The following ADAM7 variants were observed in gnomAD, a reference collection of about 807,000 sequenced individuals.
ADAM7 encodes ADAM metallopeptidase domain 7.
In ADAM7, 97 loss-of-function variants were observed where a neutral mutation model predicts 102.9. The observed-to-expected ratio is 0.94, with a 90% CI of 0.80 to 1.12. The LOEUF is 1.12. Ranked by LOEUF, ADAM7 falls within the 50% of genes most tolerant of loss-of-function variation. The pLI is 0.00. For synonymous variants in ADAM7, 334 were observed against 304.4 expected (o/e 1.10, Z -1.01); for missense variants, 991 against 908.7 (o/e 1.09, Z -1.16).
At position 24,442,558 on chromosome 8, in the gene ADAM7, C is replaced by G; in HGVS notation, c.138C>G (p.Thr46=). 1 of 1,613,672 alleles carries G rather than the reference C, an allele frequency of 6.2e-7. No individual in the cohort carries two copies. Among genetic ancestry groups the G allele is most frequent in the South Asian group, 1.1e-5 (1 of 91,058 alleles). ...PLIQKRDTGH[T]HDDDILKTYE... is the part of the protein sequence containing the mutation. The stretch of plus-strand genomic sequence containing the variant: ...TACAGAAGCGAGATACTGGACACAC[C>G]CATGATGATGACATACTGGTACAAG... Residue 46 remains threonine (T), a synonymous_variant, in exon 2 of 22, where the codon ACC becomes ACG. Coordinates refer to ENST00000175238, the MANE Select transcript of ADAM7 (RefSeq NM_003817.4).
At chr8:24,451,313 T>C (rs1373843654) in intron 3 of ADAM7, among the ~76,000 whole-genome samples, 1 of 152,196 alleles carries the variant, frequency 6.6e-6, no homozygotes, top group African/African-American at 2.4e-5. Context: ...TATTGATTAT[T>C]GCCACAATTT....
rs117774560 is a variant in ADAM7, at chr8:24,506,178, C to G, written c.2209-1302C>G. On this transcript the variant is annotated intron_variant, in intron 20 of 21. Coordinates refer to ENST00000175238, the MANE Select transcript of ADAM7 (RefSeq NM_003817.4). ...ACTGGTACGTTCCCCTCCCCTTCCT[C>G]TTGGTGGTGGGCTATGTCCTTTCCA... is the stretch of plus-strand genomic sequence containing the variant. 5.1e-3 allele frequency: 7,721 copies of G among 1,524,828 alleles called. 38 individuals are homozygous for G. Among genetic ancestry groups the G allele is most frequent in the Non-Finnish European group, 5.8e-3 (6,512 of 1,126,094 alleles). The allele number at this position is 1,524,828 out of a possible 1,614,324, so 94.5% of individuals were successfully genotyped here.
At chr8:24,496,463 C>T (rs1360142831) in intron 16 of ADAM7, among the ~76,000 whole-genome samples, 1 of 152,144 alleles carries the variant, frequency 6.6e-6, no homozygotes, top group Non-Finnish European at 1.5e-5. Context: ...TAGATCCACC[C>T]ACAGCTTGCA....
In ADAM7 at chr8:24,468,629, A is replaced by G. The variant is rs2129383190; in HGVS notation, c.580-138A>G. 5 of 688,088 alleles carry G rather than the reference A, an allele frequency of 7.3e-6. 1 individual carries two copies. The highest frequency in any genetic ancestry group is 7.2e-5 in the South Asian group (4 of 55,218). The allele number at this position is 688,088 out of a possible 1,614,324, so 42.6% of individuals were successfully genotyped here. The stretch of plus-strand genomic sequence containing the variant: ...ATTTAGATAAATTCGTACAATTTTT[A>G]TATATTCATATGCCTCCCCATTTTG... On this transcript the variant is annotated intron_variant, in intron 6 of 21. Transcript: ENST00000175238.
Position 24,466,846 on chromosome 8 carries a change from A to G in ADAM7, c.437A>G (p.Lys146Arg). 2 of 1,614,054 alleles carry G rather than the reference A, an allele frequency of 1.2e-6. No individual in the cohort carries two copies. Among genetic ancestry groups the G allele is most frequent in the Admixed American group, 1.7e-5 (1 of 60,020 alleles). Residue 146 changes from lysine (K) to arginine (R), a missense_variant, in exon 6 of 22, where the codon AAA becomes AGA. Lys to Arg is a conservative substitution (Grantham distance 26). Coordinates refer to ENST00000175238, the MANE Select transcript of ADAM7 (RefSeq NM_003817.4). ...CAAAGATACCTCATTGAACCAGTGA[A>G]ATACTCAGATGAGGGAGAACATTTG... ...NDQRYLIEPV[K>R]YSDEGEHLVF...
In ADAM7 at chr8:24,485,583, C is replaced by T. The variant is rs558226401; in HGVS notation, c.960+222C>T. 1.3e-4 allele frequency among the ~76,000 whole-genome samples: 20 copies of T among 152,124 alleles called. No individual in the cohort carries two copies. The South Asian group carries it at 1.9e-3, about 14-fold the overall frequency. On this transcript the variant is annotated intron_variant, in intron 10 of 21. Coordinates refer to ENST00000175238, the MANE Select transcript of ADAM7 (RefSeq NM_003817.4). ...AAACCCATTTTGTTTAGAGTTTAAA[C>T]GGATAGTATACCACAGATCAGCATG...
intron 4 of ADAM7, among the ~76,000 whole-genome samples, chr8:24,464,654 G>A (rs143304403): frequency 7.3e-4 from 111 of 152,356 alleles, no homozygotes; most frequent in African/African-American, 2.5e-3. Context: ...AGGCTGGAGC[G>A]CAGTGGTGCA....
At chr8:24,489,448 A>G in intron 12 of ADAM7, 115 bp downstream of exon 12, 1 of 1,023,902 alleles carries the variant, frequency 9.8e-7, no homozygotes, top group African/African-American at 1.6e-5. Flanking sequence ...ACTTTTAAAA[A>G]TTTTGCTTTC....
At position 24,443,302 on chromosome 8, in the gene ADAM7, G is replaced by A. The variant is rs1270253376; in HGVS notation, c.156+726G>A. ...TGAATTTCTTCTGTCCACCATTAGAGCAGCCAGTTTTTCAAGTTCTCACTT... is the reference window on the plus strand; with the variant it reads ...TGAATTTCTTCTGTCCACCATTAGAACAGCCAGTTTTTCAAGTTCTCACTT... On this transcript the variant is annotated intron_variant, in intron 2 of 21. Coordinates refer to ENST00000175238, the MANE Select transcript of ADAM7 (RefSeq NM_003817.4). Among the ~76,000 whole-genome samples, 5 of 152,086 alleles carry A rather than the reference G, an allele frequency of 3.3e-5. No individual in the cohort carries two copies. In the East Asian group the frequency reaches 7.7e-4, roughly 23 times the overall value.
Position 24,465,739 on chromosome 8 carries a change from A to T in ADAM7, c.353A>T (p.Asp118Val). ...FYQGSIVHEYDSAASISTCNG... is the reference protein window; with the variant it reads ...FYQGSIVHEYVSAASISTCNG... ...CAAGGATCCATAGTACACGAATATG[A>T]TTCAGCTGCCAGTATCAGTACGTGT... Residue 118 changes from aspartate (D) to valine (V), a missense_variant, in exon 5 of 22, where the codon GAT becomes GTT. Transcript: ENST00000175238. 6.2e-7 allele frequency: 1 copy of T among 1,611,156 alleles called. No individual in the cohort carries two copies. Among genetic ancestry groups the T allele is most frequent in the South Asian group, 1.1e-5 (1 of 90,336 alleles).
chr8:24,497,574 A>G (rs913589224), intron 16 of ADAM7, among the ~76,000 whole-genome samples: 1 of 152,082 alleles, frequency 6.6e-6, no homozygotes, highest in Non-Finnish European at 1.5e-5. Flanking sequence ...AATAAATAAA[A>G]CCAGGAAATA....
intron 10 of ADAM7, 31 bp downstream of exon 10, chr8:24,485,392 A>G (rs1339187351): frequency 6.3e-7 from 1 of 1,581,938 alleles, no homozygotes; most frequent in East Asian, 2.2e-5. Flanking sequence ...ATTACTTAAT[A>G]ATGTTTGAAT....
Position 24,501,485 on chromosome 8 carries a change from C to T in ADAM7, c.2117C>T (p.Thr706Ile), listed in dbSNP as rs1201051933. Residue 706 changes from threonine to isoleucine, a missense_variant, in exon 20 of 22, where the codon ACA becomes ATA. Coordinates refer to ENST00000175238, the MANE Select transcript of ADAM7 (RefSeq NM_003817.4). ...AATTTCCTTCTTGACAGCCCACCTA[C>T]AGAAACCCTGGGAGTGGAGAACAAA... ...IKLKQVQSPP[T>I]ETLGVENKGY... The T allele has an allele frequency of 1.9e-6, 3 of 1,605,142 alleles. No homozygotes were observed. Among genetic ancestry groups the T allele is most frequent in the African/African-American group, 1.3e-5 (1 of 74,358 alleles).
At chr8:24,487,094 T>A in intron 10 of ADAM7, 93 bp from the exon 11 acceptor site, 2 of 1,346,160 alleles carry the variant, frequency 1.5e-6, no homozygotes, top group Non-Finnish European at 2.0e-6. Context: ...AACTAGGAGC[T>A]AGAAGCCAGG....
chr8:24,465,581 T>C (rs1460167300), intron 4 of ADAM7, 118 bp from the exon 5 acceptor site: 1 of 521,208 alleles, frequency 1.9e-6, no homozygotes. Flanking sequence ...AGAACAAATA[T>C]CAATGCAATT....
rs760179254 is a variant in ADAM7 at position 24,490,908 on chromosome 8, GA to G, written c.1356+22del. The G allele has an allele frequency of 2.4e-5, 39 of 1,605,446 alleles. No individual in the cohort carries two copies. The highest frequency in any genetic ancestry group is 3.1e-5 in the Non-Finnish European group (37 of 1,176,090). The stretch of plus-strand genomic sequence containing the variant: ...TGTCAGGTAAGGTCATGTGCCAGGA[GA>G]AGGTTTTTTTTTTTCAGTTTAAGAA... On this transcript the variant is annotated intron_variant, in intron 13 of 21. Coordinates refer to ENST00000175238, the MANE Select transcript of ADAM7 (RefSeq NM_003817.4).
intron 4 of ADAM7, among the ~76,000 whole-genome samples, chr8:24,464,498 CT>C (rs1406433490): frequency 6.6e-6 from 1 of 152,060 alleles, no homozygotes; most frequent in South Asian, 2.1e-4. Flanking sequence ...ATCCCCATTG[CT>C]TTTTTCCAGA....
At chr8:24,507,633 C>A in intron 21 of ADAM7, 98 bp downstream of exon 21, 2 of 979,586 alleles carry the variant, frequency 2.0e-6, no homozygotes, top group Non-Finnish European at 3.0e-6. Flanking sequence ...TGGGGACATC[C>A]TCTGTACTTA....
chr8:24,464,277 C>T (rs1819351099), intron 4 of ADAM7, among the ~76,000 whole-genome samples: 1 of 152,096 alleles, frequency 6.6e-6, no homozygotes, highest in South Asian at 2.1e-4. Flanking sequence ...CCTTATGAGG[C>T]TGTGATCAAG....
Sources: allele counts gnomAD v4.1 joint callset (sites outside exome capture counted in the v4.1 genomes callset), GRCh38; gene constraint gnomAD v4.1.1; transcripts MANE v1.5; gene names NCBI Gene and HGNC (gene_info 2026-07-23, HGNC 2026-07-21).